The following NELL1 variants were observed in gnomAD, a reference collection of about 807,000 sequenced individuals.
NELL1 encodes protein kinase C-binding protein NELL1.
In NELL1, 76 loss-of-function variants were observed where a neutral mutation model predicts 107.4. The observed-to-expected ratio is 0.71, with a 90% CI of 0.59 to 0.86. The LOEUF is 0.86. NELL1 is among the 40% of genes least tolerant of loss of function. The pLI is 0.00. For synonymous variants in NELL1, 353 were observed against 341.2 expected (o/e 1.03, Z -0.38); for missense variants, 1,024 against 1,005.5 (o/e 1.02, Z -0.25).
chr11:21,482,759 A>G (rs957775666), intron 15 of NELL1, among the ~76,000 whole-genome samples: 1 of 151,722 alleles, frequency 6.6e-6, no homozygotes, highest in Non-Finnish European at 1.5e-5. Context: ...TTAAAAAAAA[A>G]AAAAAGAAAA....
intron 15 of NELL1, among the ~76,000 whole-genome samples, chr11:21,376,294 T>C (rs1851476856): frequency 6.6e-6 from 1 of 152,154 alleles, no homozygotes; most frequent in African/African-American, 2.4e-5. Context: ...GCACCATTTA[T>C]TGAATAGGGA....
At chr11:21,455,331 T>TC (rs1853700380) in intron 15 of NELL1, among the ~76,000 whole-genome samples, 1 of 145,062 alleles carries the variant, frequency 6.9e-6, no homozygotes. Flanking sequence ...TTTTTTTTTT[T>TC]TTTTTTAATG....
chr11:21,175,224 C>T (rs965320789), intron 13 of NELL1, among the ~76,000 whole-genome samples: 6 of 151,696 alleles, frequency 4.0e-5, no homozygotes, highest in East Asian at 1.9e-4. Context: ...AGCCAGTAAC[C>T]GCATTAACAC....
intron 15 of NELL1, among the ~76,000 whole-genome samples, chr11:21,378,651 T>C (rs1372854275): frequency 6.6e-6 from 1 of 151,882 alleles, no homozygotes; most frequent in Admixed American, 6.6e-5. Flanking sequence ...AGAAGAAAAA[T>C]TTAAATGTAT....
At chr11:21,380,975 AT>A (rs1851593545) in intron 15 of NELL1, among the ~76,000 whole-genome samples, 2 of 151,952 alleles carry the variant, frequency 1.3e-5, no homozygotes. Flanking sequence ...TGCATTTATT[AT>A]TTCCTGTGAG....
intron 14 of NELL1, among the ~76,000 whole-genome samples, chr11:21,337,886 A>T (rs1296663045): frequency 3.3e-5 from 2 of 61,256 alleles, no homozygotes; most frequent in African/African-American, 6.3e-5. Flanking sequence ...TCTTTCTTTC[A>T]GTGCTGGTCT....
chr11:20,874,548 G>A (rs954456188), intron 4 of NELL1, among the ~76,000 whole-genome samples: 2 of 152,178 alleles, frequency 1.3e-5, no homozygotes, highest in African/African-American at 4.8e-5. Context: ...GTTATTGAAA[G>A]GATTATAAAG....
At chr11:21,127,709 A>G (rs1451792716) in intron 13 of NELL1, among the ~76,000 whole-genome samples, 2 of 152,136 alleles carry the variant, frequency 1.3e-5, no homozygotes, top group African/African-American at 4.8e-5. Context: ...AGGAGTATTT[A>G]TCTTATGTCT....
At chr11:20,852,261 A>C (rs146003446) in intron 4 of NELL1, among the ~76,000 whole-genome samples, 131 of 152,314 alleles carry the variant, frequency 8.6e-4, no homozygotes, top group African/African-American at 2.9e-3. Flanking sequence ...TCTAGACTAG[A>C]CTAAACATAC....
intron 14 of NELL1, among the ~76,000 whole-genome samples, chr11:21,282,372 G>C (rs115847346): frequency 1.3e-5 from 2 of 150,504 alleles, no homozygotes; most frequent in African/African-American, 4.9e-5. Flanking sequence ...TAGAAACAGC[G>C]TTTAGGCTGA....
intron 15 of NELL1, among the ~76,000 whole-genome samples, chr11:21,383,400 T>C (rs1851658231): frequency 6.6e-6 from 1 of 151,864 alleles, no homozygotes; most frequent in Admixed American, 6.6e-5. Context: ...GATTATTTTA[T>C]TAAAGAATAT....
At chr11:20,863,797 C>T (rs1278689879) in intron 4 of NELL1, among the ~76,000 whole-genome samples, 1 of 152,192 alleles carries the variant, frequency 6.6e-6, no homozygotes, top group African/African-American at 2.4e-5. Flanking sequence ...GATCACGCCA[C>T]TGCACTCCAG....
At chr11:21,128,856 G>A (rs1410089033) in intron 13 of NELL1, among the ~76,000 whole-genome samples, 1 of 152,156 alleles carries the variant, frequency 6.6e-6, no homozygotes, top group African/African-American at 2.4e-5. Context: ...TATTTTTTAG[G>A]ACAGGTTGGA....
At chr11:21,301,705 C>G (rs1315155145) in intron 14 of NELL1, among the ~76,000 whole-genome samples, 1 of 152,050 alleles carries the variant, frequency 6.6e-6, no homozygotes, top group Non-Finnish European at 1.5e-5. Flanking sequence ...TAACCATTCA[C>G]TCTGATGGTA....
At position 21,553,460 on chromosome 11, in the gene NELL1, A is replaced by C. The variant is rs192991211; in HGVS notation, c.1787-6729A>C. Among the ~76,000 whole-genome samples the C allele has an allele frequency of 1.4e-3, 206 of 151,890 alleles. 1 individual carries two copies. Among genetic ancestry groups the C allele is most frequent in the Middle Eastern group, 3.4e-3 (1 of 294 alleles). ...TATCCCAAAACTAGTTCTTTCCTTC[A>C]CCTCTAACCTGCTCTTATTCTGTCA... is the stretch of plus-strand genomic sequence containing the variant. On this transcript the variant is annotated intron_variant, in intron 16 of 19. Transcript: ENST00000357134.
At chr11:21,414,592 T>G (rs1852460530) in intron 15 of NELL1, among the ~76,000 whole-genome samples, 1 of 144,162 alleles carries the variant, frequency 6.9e-6, no homozygotes, top group South Asian at 2.3e-4. Flanking sequence ...TAAACCATTC[T>G]CTTCTCTTAA....
chr11:21,063,780 C>T (rs1321204455), intron 12 of NELL1, among the ~76,000 whole-genome samples: 2 of 152,336 alleles, frequency 1.3e-5, no homozygotes, highest in East Asian at 3.9e-4. Context: ...GAATATCAAA[C>T]ATTCCTGTTC....
At chr11:21,313,298 C>T (rs754488473) in intron 14 of NELL1, among the ~76,000 whole-genome samples, 11 of 151,994 alleles carry the variant, frequency 7.2e-5, no homozygotes, top group Non-Finnish European at 1.6e-4. Context: ...ACTTTTTTGG[C>T]TTTGACTATT....
At chr11:21,200,519 G>A (rs945502971) in intron 13 of NELL1, among the ~76,000 whole-genome samples, 1 of 151,948 alleles carries the variant, frequency 6.6e-6, no homozygotes, top group African/African-American at 2.4e-5. Flanking sequence ...GTTCTTTATA[G>A]ATTCTAGATA....
Sources: allele counts gnomAD v4.1 joint callset (sites outside exome capture counted in the v4.1 genomes callset), GRCh38; gene constraint gnomAD v4.1.1; transcripts MANE v1.5; gene names NCBI Gene and HGNC (gene_info 2026-07-23, HGNC 2026-07-21).